The following DROSHA variants were observed in gnomAD, a reference collection of about 807,000 sequenced individuals.
The protein encoded by DROSHA is drosha ribonuclease III.
Under a neutral mutation model 181.9 loss-of-function variants are expected in DROSHA, and 56 were observed. The ratio of observed to expected loss-of-function variants is 0.31; its 90% CI spans 0.25 to 0.38. The LOEUF is 0.38. Ranked by LOEUF, DROSHA falls within the 10% of genes least tolerant of loss-of-function variation. The probability of loss-of-function intolerance (pLI) is 1.00; values close to 1 mark genes in which losing one functional copy is unlikely to be tolerated. For synonymous variants in DROSHA, 524 were observed against 591.2 expected (o/e 0.89, Z 1.65); for missense variants, 1,218 against 1,743.5 (o/e 0.70, Z 5.37).
Position 31,409,303 on chromosome 5 carries a change from C to A in DROSHA, c.3697G>T (p.Asp1233Tyr). The A allele has an allele frequency of 6.3e-7, 1 of 1,587,332 alleles. No homozygotes were observed. The highest frequency in any genetic ancestry group is 8.6e-7 in the Non-Finnish European group (1 of 1,165,744). Residue 1233 changes from aspartate (D) to tyrosine (Y), a missense_variant, in exon 32 of 36, where the codon GAT becomes TAT. Transcript: ENST00000344624. This position sits in a 1 kb window ranked among gnomAD's most constrained non-coding sequence, Gnocchi z 4.0. Reference protein sequence around the residue: ...SFIAALYIDKDLEYVHTFMNV... With the variant: ...SFIAALYIDKYLEYVHTFMNV... ...ATGAAAGTATGAACATATTCCAAAT[C>A]CTTATCAATGTACAGCGCTGCAATA...
chr5:31,461,737 C>G lies in DROSHA; in HGVS notation c.2574+2499G>C, dbSNP rs188905299. ...TTACTTTTGCCGTTTTCCCCTAAAT[C>G]ATATTCCCCTAAACCTTACTGTAAG... On this transcript the variant is annotated intron_variant, in intron 20 of 35. Coordinates refer to ENST00000344624, the MANE Select transcript of DROSHA (RefSeq NM_001382508.1). 4.8e-5 allele frequency among the ~76,000 whole-genome samples: 7 copies of G among 146,524 alleles called. No homozygotes were observed. The East Asian group carries it at 1.4e-3, about 29-fold the overall frequency.
rs1169033408 is a variant in DROSHA at position 31,502,861 on chromosome 5, G to C, written c.1668+1694C>G. 3.3e-5 allele frequency among the ~76,000 whole-genome samples: 5 copies of C among 152,198 alleles called. No individual in the cohort carries two copies. The East Asian group carries it at 7.7e-4, about 23-fold the overall frequency. ...TCTCTCCCAGCGGGTGGAGTTTCAG[G>C]CAGTGTACCTGGTCATCCACTTTGT... On this transcript the variant is annotated intron_variant, in intron 11 of 35. Transcript: ENST00000344624.
At chr5:31,485,144 T>C (rs1322789170) in intron 14 of DROSHA, among the ~76,000 whole-genome samples, 182 bp from the exon 15 acceptor site, 1 of 152,198 alleles carries the variant, frequency 6.6e-6, no homozygotes, top group Non-Finnish European at 1.5e-5. Context: ...TAGACAATAA[T>C]GCCACTAGGA....
intron 30 of DROSHA, 93 bp from the exon 31 acceptor site, chr5:31,410,980 A>G (rs1275612029): frequency 6.5e-7 from 1 of 1,534,656 alleles, no homozygotes; most frequent in African/African-American, 1.4e-5. Context: ...AGAGGCTGTC[A>G]CTGACAGGGA....
chr5:31,488,128 G>C (rs964998791), intron 13 of DROSHA, among the ~76,000 whole-genome samples: 1 of 152,160 alleles, frequency 6.6e-6, no homozygotes, highest in African/African-American at 2.4e-5. Context: ...CTTCAAAGAT[G>C]AGGAGGGGCC....
intron 6 of DROSHA, among the ~76,000 whole-genome samples, chr5:31,516,982 G>C (rs927403064): frequency 6.6e-6 from 1 of 152,250 alleles, no homozygotes; most frequent in Admixed American, 6.5e-5. Flanking sequence ...TAGTTAGGCA[G>C]TACTCGTTTA....
chr5:31,504,563 C>T lies in DROSHA; in HGVS notation c.1660G>A (p.Gly554Arg), dbSNP rs773495518. 6.2e-7 allele frequency: 1 copy of T among 1,613,908 alleles called. No homozygotes were observed. The highest frequency in any genetic ancestry group is 1.1e-5 in the South Asian group (1 of 91,052). Residue 554 changes from glycine (G) to arginine (R), a missense_variant, in exon 11 of 36, where the codon GGA (glycine) becomes AGA (arginine). This residue lies in a region of DROSHA where 460 missense variants were observed against 774.2 expected (regional missense o/e 0.59). Transcript: ENST00000344624. ...TAACCCAAACCAGTTACCTCTTCTC[C>T]AGGATAAATGCTGTGCCTAATTCCT... is the stretch of plus-strand genomic sequence containing the variant. ...RTGIRHSIYPGEEAIKPCRPM... is the reference protein window; with the variant it reads ...RTGIRHSIYPREEAIKPCRPM...
At chr5:31,503,077 CA>C (rs1418838287) in intron 11 of DROSHA, among the ~76,000 whole-genome samples, 4 of 152,056 alleles carry the variant, frequency 2.6e-5, no homozygotes, top group Non-Finnish European at 5.9e-5. Context: ...CATGGAGGTC[CA>C]TCAGACAGCA....
rs566677602 is a variant in DROSHA at position 31,464,256 on chromosome 5, T to C, written c.2554A>G (p.Ile852Val). 2.9e-5 allele frequency: 46 copies of C among 1,613,508 alleles called. No individual in the cohort carries two copies. In the South Asian group the frequency reaches 4.9e-4, roughly 17 times the overall value. ...LSSQGFWKTG[I>V]RSDVCQHAMM... ...CCCACCTGACAGACATCAGAACGGA[T>C]GCCAGTTTTCCAGAATCCTTGGCTA... The change falls in exon 20 of 36, where the codon ATC becomes GTC. Residue 852 changes from isoleucine (I) to valine (V), a missense_variant. Coordinates refer to ENST00000344624, the MANE Select transcript of DROSHA (RefSeq NM_001382508.1).
intron 5 of DROSHA, among the ~76,000 whole-genome samples, chr5:31,521,706 A>G (rs1038224748): frequency 1.3e-5 from 2 of 152,120 alleles, no homozygotes; most frequent in Admixed American, 6.5e-5. Context: ...AGATCTAGCT[A>G]TCACTAACCT....
At chr5:31,441,382 G>A (rs1745579351) in intron 23 of DROSHA, among the ~76,000 whole-genome samples, 1 of 152,126 alleles carries the variant, frequency 6.6e-6, no homozygotes, top group Non-Finnish European at 1.5e-5. Flanking sequence ...TTGCACTCCA[G>A]CCTGGATGAC....
chr5:31,511,570 G>A (rs549972648), intron 8 of DROSHA, among the ~76,000 whole-genome samples: 2 of 152,166 alleles, frequency 1.3e-5, no homozygotes, highest in South Asian at 4.2e-4. Context: ...GCCAGGTGGT[G>A]TGTGCCTGTG....
intron 13 of DROSHA, among the ~76,000 whole-genome samples, chr5:31,492,571 A>T (rs1752543221): frequency 6.6e-6 from 1 of 152,222 alleles, no homozygotes; most frequent in South Asian, 2.1e-4. Context: ...TTCCTGTGCC[A>T]CTGCCAGCCA....
chr5:31,471,998 A>G (rs917876757), intron 17 of DROSHA, 65 bp downstream of exon 17: 30 of 1,433,306 alleles, frequency 2.1e-5, no homozygotes, highest in Admixed American at 4.6e-5. Flanking sequence ...TACTGTTTTC[A>G]TGAAACATTC....
intron 23 of DROSHA, among the ~76,000 whole-genome samples, chr5:31,447,899 G>A (rs1388657126): frequency 2.0e-5 from 3 of 152,164 alleles, no homozygotes; most frequent in African/African-American, 7.2e-5. Context: ...CTGCTATATT[G>A]CTGCTGGGAA....
intron 35 of DROSHA, among the ~76,000 whole-genome samples, chr5:31,401,949 G>A (rs1740056383): frequency 6.6e-6 from 1 of 152,100 alleles, no homozygotes; most frequent in South Asian, 2.1e-4. Context: ...TGGAGTCACA[G>A]TTTTTGAAAA....
rs759351914 is a variant in DROSHA, at chr5:31,511,135, T to C, written c.1332A>G (p.Leu444=). The C allele has an allele frequency of 4.3e-6, 7 of 1,613,784 alleles. No homozygotes were observed. The highest frequency in any genetic ancestry group is 1.7e-5 in the Admixed American group (1 of 59,990). ...CCAACTCCTCCTCAAATTTGTCATA[T>C]AAGTCACGAAGCCTACTCGTTCCAA... ...TVVGTSRLRD[L]YDKFEEELGS... The change falls in exon 9 of 36, where the codon TTA becomes TTG. Residue 444 remains leucine (L), a synonymous_variant. Transcript: ENST00000344624.
At chr5:31,499,401 T>C (rs1203258604) in intron 11 of DROSHA, among the ~76,000 whole-genome samples, 3 of 152,188 alleles carry the variant, frequency 2.0e-5, no homozygotes, top group Non-Finnish European at 2.9e-5. Flanking sequence ...GATGGTGTTT[T>C]GGAGCTCAAT....
chr5:31,487,159 T>A (rs1306006774), intron 13 of DROSHA, among the ~76,000 whole-genome samples: 1 of 152,222 alleles, frequency 6.6e-6, no homozygotes, highest in Non-Finnish European at 1.5e-5. Flanking sequence ...AACATCCCTA[T>A]AACATGGGTT....
Sources: allele counts gnomAD v4.1 joint callset (sites outside exome capture counted in the v4.1 genomes callset), GRCh38; gene constraint gnomAD v4.1.1; regional missense constraint gnomAD v4.1.1; non-coding constraint Gnocchi (gnomAD v3.1); transcripts MANE v1.5; gene names NCBI Gene and HGNC (gene_info 2026-07-23, HGNC 2026-07-21).